INSR: variants seen among roughly 807,000 people sequenced by gnomAD.
The protein encoded by INSR is IR.
In INSR, 67 loss-of-function variants were observed where a neutral mutation model predicts 142.6. The observed-to-expected ratio is 0.47, with a 90% CI of 0.39 to 0.58. The LOEUF (loss-of-function observed/expected upper bound fraction) is 0.58. Ranked by LOEUF, INSR falls within the 20% of genes least tolerant of loss-of-function variation. INSR has a pLI of 0.00. For missense variants in INSR, 1,248 were observed against 1,833.2 expected (o/e 0.68, Z 5.83); for synonymous variants, 756 against 743.1 (o/e 1.02, Z -0.28).
intron 1 of INSR, among the ~76,000 whole-genome samples, chr19:7,271,218 G>A (rs1214701639): frequency 1.3e-5 from 2 of 152,084 alleles, no homozygotes; most frequent in East Asian, 1.9e-4. Context: ...GAAATGGGCC[G>A]GGCACCGTGG....
chr19:7,120,481 G>A, intron 20 of INSR, 139 bp downstream of exon 20: 3 of 964,328 alleles, frequency 3.1e-6, no homozygotes, highest in Non-Finnish European at 4.9e-6. Context: ...GCCGTGGGAA[G>A]ATCCTAAGAC....
At chr19:7,154,732 T>C (rs1973545740) in intron 9 of INSR, among the ~76,000 whole-genome samples, 2 of 151,802 alleles carry the variant, frequency 1.3e-5, no homozygotes, top group Non-Finnish European at 2.9e-5. Flanking sequence ...CGGACCATCC[T>C]AGCCAACATG....
chr19:7,157,811 G>A (rs1973635968), intron 9 of INSR, among the ~76,000 whole-genome samples: 2 of 151,782 alleles, frequency 1.3e-5, no homozygotes, highest in African/African-American at 4.8e-5. Flanking sequence ...AATGCCTCGA[G>A]GATAGACAAT....
At chr19:7,191,342 AGAAAGGAGGGAGGGAG>A (rs1974582955) in intron 2 of INSR, among the ~76,000 whole-genome samples, 1 of 129,748 alleles carries the variant, frequency 7.7e-6, no homozygotes, top group Admixed American at 7.8e-5. Flanking sequence ...AAAGAAAGAA[AGAAAGGAGGGAGGGAG>A]GGAGGGAAGG....
chr19:7,172,421 A>C lies in INSR; in HGVS notation c.1137T>G (p.Ala379=). 6.2e-7 allele frequency: 1 copy of C among 1,614,108 alleles called. No homozygotes were observed. The highest frequency in any genetic ancestry group is 8.5e-7 in the Non-Finnish European group (1 of 1,179,994). Residue 379 remains alanine (A), a synonymous_variant, in exon 5 of 22, where the codon GCT becomes GCG. Transcript: ENST00000302850. ...INIRGGNNLA[A]ELEANLGLIE... ...TGAGGCCGAGGTTGGCTTCTAGCTC[A>C]GCTGCCAGATTGTCTAAGGAAAGGA...
intron 8 of INSR, among the ~76,000 whole-genome samples, chr19:7,165,307 T>C (rs1180282355): frequency 1.3e-5 from 2 of 150,942 alleles, no homozygotes; most frequent in Non-Finnish European, 3.0e-5. Context: ...ACAAACATAA[T>C]TAAATTGCTG....
chr19:7,156,782 CTTTTTTTTTTTTT>C (rs746400499), intron 9 of INSR, among the ~76,000 whole-genome samples: 2 of 63,224 alleles, frequency 3.2e-5, no homozygotes, highest in South Asian at 1.4e-3. Context: ...CTATTTCTCT[CTTTTTTTTTTTTT>C]TTTTTTTTTT....
chr19:7,261,678 C>T (rs1977070516), intron 2 of INSR, among the ~76,000 whole-genome samples: 1 of 151,974 alleles, frequency 6.6e-6, no homozygotes, highest in Admixed American at 6.6e-5. Flanking sequence ...TTACAGGCGC[C>T]CACCACCACG....
chr19:7,152,328 C>A, intron 10 of INSR: 1 of 297,584 alleles, frequency 3.4e-6, no homozygotes, highest in Non-Finnish European at 6.5e-6. Flanking sequence ...AAAGGGTGAG[C>A]TGAAATCGCA....
At position 7,119,692 on chromosome 19, in the gene INSR, GCCAACACATA is replaced by G; in HGVS notation, c.3660-119_3660-110del. 3 of 1,218,684 alleles carry G rather than the reference GCCAACACATA, an allele frequency of 2.5e-6. No individual in the cohort carries two copies. Among genetic ancestry groups the G allele is most frequent in the Non-Finnish European group, 3.6e-6 (3 of 843,560 alleles). The allele number at this position is 1,218,684 out of a possible 1,614,324, so 75.5% of individuals were successfully genotyped here. A position where few individuals can be genotyped will look rare whatever the true frequency, so the allele number is the denominator to read the frequency against. ...CGCACACACACACGCAAACACACAT[GCCAACACATA>G]CATGCAAACACACACATGCAAACAC... On this transcript the variant is annotated intron_variant, in intron 20 of 21. Coordinates refer to ENST00000302850, the MANE Select transcript of INSR (RefSeq NM_000208.4). This position sits in a 1 kb window ranked among gnomAD's most constrained non-coding sequence, Gnocchi z 5.2.
chr19:7,138,535 G>A (rs1972994829), intron 13 of INSR, among the ~76,000 whole-genome samples: 1 of 152,026 alleles, frequency 6.6e-6, no homozygotes, highest in Non-Finnish European at 1.5e-5. Flanking sequence ...ACCACACCTA[G>A]CTAATTTTGA....
intron 2 of INSR, among the ~76,000 whole-genome samples, chr19:7,211,326 C>G (rs761975381): frequency 1.3e-5 from 2 of 152,174 alleles, no homozygotes; most frequent in Non-Finnish European, 2.9e-5. Context: ...CTTGGCCTCT[C>G]TAAGCACCAA....
chr19:7,158,792 C>T (rs1438252559), intron 9 of INSR, among the ~76,000 whole-genome samples: 3 of 152,062 alleles, frequency 2.0e-5, no homozygotes, highest in Non-Finnish European at 4.4e-5. Context: ...ACAACATATA[C>T]ACTAGTGATA....
chr19:7,199,961 A>G (rs1974907967), intron 2 of INSR, among the ~76,000 whole-genome samples: 1 of 152,136 alleles, frequency 6.6e-6, no homozygotes, highest in African/African-American at 2.4e-5. Context: ...GGATTAGGTG[A>G]CTGTCCCTTT....
intron 3 of INSR, among the ~76,000 whole-genome samples, chr19:7,176,869 T>C (rs1463860919): frequency 2.0e-5 from 3 of 152,150 alleles, no homozygotes; most frequent in Admixed American, 1.3e-4. Context: ...TGCCGTTACC[T>C]TGAGATGATG....
chr19:7,286,171 C>T lies in INSR; in HGVS notation c.100+7621G>A, dbSNP rs531139160. 3.3e-5 allele frequency among the ~76,000 whole-genome samples: 5 copies of T among 151,336 alleles called. No individual in the cohort carries two copies. The East Asian group carries it at 5.9e-4, about 18-fold the overall frequency. On this transcript the variant is annotated intron_variant, in intron 1 of 21. Coordinates refer to ENST00000302850, the MANE Select transcript of INSR (RefSeq NM_000208.4). ...ATTTTTTTGTAGGGTTTTGTAGAGACGGGGTCTTGCTATGTTACCCAGGCT... is the reference window on the plus strand; with the variant it reads ...ATTTTTTTGTAGGGTTTTGTAGAGATGGGGTCTTGCTATGTTACCCAGGCT...
intron 1 of INSR, among the ~76,000 whole-genome samples, chr19:7,279,792 T>G (rs1044117290): frequency 6.7e-6 from 1 of 149,238 alleles, no homozygotes; most frequent in African/African-American, 2.5e-5. Context: ...CTGGGTAACA[T>G]AGCAAAACCC....
chr19:7,177,519 G>GTTTTGT lies in INSR; in HGVS notation c.975-2794_975-2789dup, dbSNP rs546261247. Among the ~76,000 whole-genome samples the GTTTTGT allele has an allele frequency of 3.3e-3, 505 of 151,594 alleles. 4 individuals carry two copies. The highest frequency in any genetic ancestry group is 0.011 in the African/African-American group (458 of 41,340). On this transcript the variant is annotated intron_variant, in intron 3 of 21. Transcript: ENST00000302850. ...TCTTGGTTAAGTCAATGGTTTTTTT[G>GTTTTGT]TTTTGTTTTTGTTTTTGTTTTTTTT...
chr19:7,287,220 C>T (rs767205363), intron 1 of INSR, among the ~76,000 whole-genome samples: 13 of 145,156 alleles, frequency 9.0e-5, no homozygotes, highest in Non-Finnish European at 1.5e-4. Context: ...AGTGCAGTGG[C>T]GCAATCTCGG....
Sources: allele counts gnomAD v4.1 joint callset (sites outside exome capture counted in the v4.1 genomes callset), GRCh38; gene constraint gnomAD v4.1.1; non-coding constraint Gnocchi (gnomAD v3.1); transcripts MANE v1.5; gene names NCBI Gene and HGNC (gene_info 2026-07-23, HGNC 2026-07-21).